The following PLEKHA7 variants were observed in gnomAD, a reference collection of about 807,000 sequenced individuals.
PLEKHA7 encodes the protein pleckstrin homology domain-containing family A member 7.
Under a neutral mutation model 170.0 loss-of-function variants are expected in PLEKHA7, and 104 were observed. The observed-to-expected ratio is 0.61, with a 90% CI of 0.52 to 0.72. PLEKHA7 has a LOEUF of 0.72. Among genes scored for constraint, PLEKHA7 ranks in the 30% least tolerant of loss-of-function variants. The pLI is 0.00. For synonymous variants in PLEKHA7, 648 were observed against 660.8 expected (o/e 0.98, Z 0.30); for missense variants, 1,615 against 1,671.7 (o/e 0.97, Z 0.59).
chr11:16,947,411 C>T lies in PLEKHA7; in HGVS notation c.221+66578G>A, dbSNP rs1235806282. Reference sequence around the variant, plus strand: ...TTCGAGACCAGCCTGGCCAACATGACAAAACTCCGTCTCTACTAAAAATAC... The same window carrying T: ...TTCGAGACCAGCCTGGCCAACATGATAAAACTCCGTCTCTACTAAAAATAC... On this transcript the variant is annotated intron_variant, in intron 3 of 26. Coordinates refer to ENST00000531066, the MANE Select transcript of PLEKHA7 (RefSeq NM_001329630.2). Among the ~76,000 whole-genome samples the T allele has an allele frequency of 5.3e-5, 8 of 151,182 alleles. No homozygotes were observed. The South Asian group carries it at 1.7e-3, about 32-fold the overall frequency.
intron 3 of PLEKHA7, among the ~76,000 whole-genome samples, chr11:16,920,624 T>C (rs1400148375): frequency 6.6e-6 from 1 of 152,222 alleles, no homozygotes; most frequent in Admixed American, 6.5e-5. Flanking sequence ...ACCACTTGCC[T>C]CTGAGTCCGA....
At chr11:16,919,221 AAG>A (rs1375519629) in intron 3 of PLEKHA7, among the ~76,000 whole-genome samples, 6 of 152,078 alleles carry the variant, frequency 3.9e-5, no homozygotes, top group African/African-American at 1.4e-4. Flanking sequence ...TCTCAAAAGA[AAG>A]AAAAGAAAAG....
At chr11:16,909,224 G>A (rs921842982) in intron 3 of PLEKHA7, among the ~76,000 whole-genome samples, 8 of 152,124 alleles carry the variant, frequency 5.3e-5, no homozygotes, top group Non-Finnish European at 7.3e-5. Flanking sequence ...ACATCCTAGC[G>A]GGAGAAAATG....
At chr11:16,840,996 G>A (rs1043230506) in intron 9 of PLEKHA7, among the ~76,000 whole-genome samples, 1 of 152,138 alleles carries the variant, frequency 6.6e-6, no homozygotes, top group Non-Finnish European at 1.5e-5. Flanking sequence ...TGGGCCCAAT[G>A]TGAGATGAAG....
intron 3 of PLEKHA7, among the ~76,000 whole-genome samples, chr11:16,918,563 T>TG (rs1190630688): frequency 4.6e-5 from 7 of 152,240 alleles, no homozygotes; most frequent in African/African-American, 1.7e-4. Context: ...ACTGACCAGC[T>TG]GGTAAAATGC....
At chr11:16,801,144 T>A (rs1488500742) in intron 16 of PLEKHA7, 69 bp from the exon 17 acceptor site, 9 of 1,351,880 alleles carry the variant, frequency 6.7e-6, no homozygotes, top group African/African-American at 1.4e-5. Flanking sequence ...CACGAACACC[T>A]GTACTCCTGA....
chr11:16,871,972 CT>C (rs139139631), intron 3 of PLEKHA7, among the ~76,000 whole-genome samples: 7,268 of 136,718 alleles, frequency 0.053, 410 homozygotes, highest in African/African-American at 0.15. Flanking sequence ...TAAATGTAGA[CT>C]TTTTTTTTTT....
At position 16,927,792 on chromosome 11, in the gene PLEKHA7, G is replaced by A. The variant is rs146656435; in HGVS notation, c.222-56610C>T. 2.4e-3 allele frequency among the ~76,000 whole-genome samples: 367 copies of A among 152,272 alleles called. 2 individuals carry two copies. Among genetic ancestry groups the A allele is most frequent in the African/African-American group, 8.3e-3 (346 of 41,544 alleles). On this transcript the variant is annotated intron_variant, in intron 3 of 26. Transcript: ENST00000531066. ...TGTGGATGAGCACAAAGATTTATCC[G>A]CAAGGATGTTCATCTCATCATTTTT...
chr11:16,962,425 G>A (rs1862119701), intron 3 of PLEKHA7, among the ~76,000 whole-genome samples: 1 of 152,150 alleles, frequency 6.6e-6, no homozygotes. Context: ...ACCACCTTAA[G>A]TCTTCGCTCC....
In PLEKHA7 at chr11:16,867,924, A is replaced by C. The variant is rs188290416; in HGVS notation, c.305+3175T>G. ...AAAGTCTTTCCCCTCTTTCATCCCT[A>C]TCATAGTCAATCAATCACCAAATTC... On this transcript the variant is annotated intron_variant, in intron 4 of 26. Coordinates refer to ENST00000531066, the MANE Select transcript of PLEKHA7 (RefSeq NM_001329630.2). 2.3e-3 allele frequency among the ~76,000 whole-genome samples: 354 copies of C among 152,200 alleles called. 1 individual carries two copies. Among genetic ancestry groups the C allele is most frequent in the African/African-American group, 8.2e-3 (340 of 41,524 alleles).
At chr11:16,828,038 G>A (rs117901764) in intron 9 of PLEKHA7, among the ~76,000 whole-genome samples, 4 of 152,322 alleles carry the variant, frequency 2.6e-5, no homozygotes, top group East Asian at 3.9e-4. Flanking sequence ...CTCACCCTGA[G>A]AGCTAGTTAC....
chr11:16,981,571 G>C (rs928835611), intron 3 of PLEKHA7, among the ~76,000 whole-genome samples: 1 of 152,082 alleles, frequency 6.6e-6, no homozygotes, highest in Non-Finnish European at 1.5e-5. Context: ...AGTCAGCCCA[G>C]TGCAAACCAT....
chr11:17,014,279 A>T (rs1294816034), intron 1 of PLEKHA7, 37 bp downstream of exon 1: 3 of 1,028,594 alleles, frequency 2.9e-6, no homozygotes, highest in Non-Finnish European at 4.0e-6. Context: ...CCGCGCCCCC[A>T]CCCGCGTCCC....
intron 9 of PLEKHA7, among the ~76,000 whole-genome samples, chr11:16,835,227 TGCCACCGCACTCCA>T (rs1851421550): frequency 6.6e-6 from 1 of 152,128 alleles, no homozygotes; most frequent in Non-Finnish European, 1.5e-5. Flanking sequence ...GCCAAGATCA[TGCCACCGCACTCCA>T]GCCTGGGTGA....
At chr11:16,931,757 C>CG (rs1223551694) in intron 3 of PLEKHA7, among the ~76,000 whole-genome samples, 1 of 2,990 alleles carries the variant, frequency 3.3e-4, no homozygotes, top group African/African-American at 4.1e-4. Flanking sequence ...AGATTCCATC[C>CG]CCCCCCCCCC....
At chr11:16,935,073 C>A (rs1321404025) in intron 3 of PLEKHA7, among the ~76,000 whole-genome samples, 1 of 152,180 alleles carries the variant, frequency 6.6e-6, no homozygotes. Context: ...TTACTTCTTC[C>A]AAATAAGACT....
intron 3 of PLEKHA7, among the ~76,000 whole-genome samples, chr11:16,992,083 C>CCCA (rs397849654): frequency 9.9e-5 from 15 of 152,080 alleles, no homozygotes; most frequent in African/African-American, 3.4e-4. Flanking sequence ...GGACCCCCCC[C>CCCA]AGCCTGGGCA....
rs12295556 is a variant in PLEKHA7 at position 16,780,826 on chromosome 11, G to A, written c.3794-1806C>T. The A allele has an allele frequency of 6.8e-3, 1,508 of 223,158 alleles. 7 individuals are homozygous for A. Among genetic ancestry groups the A allele is most frequent in the Non-Finnish European group, 9.6e-3 (1,266 of 132,356 alleles). The allele number at this position is 223,158 out of a possible 1,614,324, so 13.8% of individuals were successfully genotyped here. On this transcript the variant is annotated intron_variant, in intron 26 of 26. Transcript: ENST00000531066. Reference sequence around the variant, plus strand: ...TCCCGCCAGCGGCCGCTTTGCCAGTGGAAGGAGGCATCAGCAGGTGGCACT... The same window carrying A: ...TCCCGCCAGCGGCCGCTTTGCCAGTAGAAGGAGGCATCAGCAGGTGGCACT...
At chr11:16,843,523 G>A (rs1852135544) in intron 8 of PLEKHA7, among the ~76,000 whole-genome samples, 1 of 152,266 alleles carries the variant, frequency 6.6e-6, no homozygotes, top group Non-Finnish European at 1.5e-5. Context: ...AACTTGGCCT[G>A]CAGCCAAGGA....
Sources: allele counts gnomAD v4.1 joint callset (sites outside exome capture counted in the v4.1 genomes callset), GRCh38; gene constraint gnomAD v4.1.1; transcripts MANE v1.5; gene names NCBI Gene and HGNC (gene_info 2026-07-23, HGNC 2026-07-21).